A1BG: variants seen among roughly 807,000 people sequenced by gnomAD.
A1BG encodes alpha-1-B glycoprotein.
Under a neutral mutation model 46.0 loss-of-function variants are expected in A1BG, and 44 were observed. The observed-to-expected ratio is 0.96, with a 90% CI of 0.75 to 1.23. The LOEUF (loss-of-function observed/expected upper bound fraction) is 1.23, where lower values mean the gene tolerates loss of function less well. Ranked by LOEUF, A1BG falls within the 50% of genes most tolerant of loss-of-function variation. The probability of loss-of-function intolerance (pLI) is 0.00; values close to 1 mark genes in which losing one functional copy is unlikely to be tolerated. For missense variants in A1BG, 707 were observed against 688.8 expected (o/e 1.03, Z -0.30); for synonymous variants, 316 against 314.7 (o/e 1.00, Z -0.04).
intron 4 of A1BG, chr19:58,351,923 G>C (rs2051963329): frequency 2.8e-6 from 2 of 703,946 alleles, no homozygotes; most frequent in Admixed American, 3.0e-5. Flanking sequence ...AGCCTCCTGA[G>C]TAGCTGGTAC....
intron 6 of A1BG, chr19:58,348,644 A>C (rs1251269470): frequency 6.6e-6 from 1 of 152,278 alleles, no homozygotes; most frequent in Non-Finnish European, 1.5e-5. Context: ...TTGTAAGCTA[A>C]TCAGGAATTT....
chr19:58,347,532 A>G lies in A1BG; in HGVS notation c.1301T>C (p.Leu434Pro). 6.3e-7 allele frequency: 1 copy of G among 1,577,128 alleles called. No homozygotes were observed. The highest frequency in any genetic ancestry group is 8.6e-7 in the Non-Finnish European group (1 of 1,162,048). The change falls in exon 7 of 8, where the codon CTG becomes CCG. Residue 434 changes from leucine to proline, a missense_variant. Physicochemically the swap from Leu to Pro is moderately conservative, Grantham distance 98. Transcript: ENST00000263100. ...EGPIPDVTFE[L>P]LREGETKAVK... ...GGCCTTCGTCTCGCCCTCGCGCAGC[A>G]GCTCGAAGGTGACGTCGGGGATGGG...
chr19:58,350,127 C>T, intron 6 of A1BG: 1 of 502,580 alleles, frequency 2.0e-6, no homozygotes, highest in Non-Finnish European at 3.4e-6. Context: ...GGGCCAGCCT[C>T]CCTGCTGCCG....
chr19:58,351,877 G>C (rs982944981), intron 4 of A1BG, 190 bp from the exon 5 acceptor site: 2 of 712,710 alleles, frequency 2.8e-6, no homozygotes, highest in Non-Finnish European at 4.5e-6. Context: ...CTCACTGCAA[G>C]CTCTGCCTCC....
intron 7 of A1BG, 75 bp from the exon 8 acceptor site, chr19:58,347,104 G>A: frequency 6.4e-7 from 1 of 1,555,562 alleles, no homozygotes; most frequent in Non-Finnish European, 8.8e-7. Flanking sequence ...AATCAAGGCC[G>A]ACCTCCCTGA....
chr19:58,352,041 G>A, intron 4 of A1BG: 2 of 1,336,512 alleles, frequency 1.5e-6, no homozygotes, highest in Non-Finnish European at 2.0e-6. Context: ...TGATCCGCTG[G>A]CCTCAGCCTC....
rs569239586 is a variant in A1BG at position 58,351,721 on chromosome 19, T to A, written c.614-34A>T. 26 of 1,541,842 alleles carry A rather than the reference T, an allele frequency of 1.7e-5. No homozygotes were observed. In the African/African-American group the frequency reaches 2.9e-4, roughly 17 times the overall value. ...CAGGCAGCATTACTAGGCTGCCCCA[T>A]CCCTGGAGCTGCCCTCTGCCCAGTC... On this transcript the variant is annotated intron_variant, in intron 4 of 7. Transcript: ENST00000263100.
intron 6 of A1BG, 42 bp downstream of exon 6, chr19:58,350,328 A>G: frequency 6.6e-7 from 1 of 1,510,598 alleles, no homozygotes; most frequent in Non-Finnish European, 8.9e-7. Context: ...CCCGAGGGGC[A>G]CTGAACCCGC....
Position 58,352,341 on chromosome 19 carries a change from C to T in A1BG, c.555G>A (p.Arg185=). Residue 185 remains arginine, a synonymous_variant, in exon 4 of 8, where the codon CGG becomes CGA. Coordinates refer to ENST00000263100, the MANE Select transcript of A1BG (RefSeq NM_130786.4). ...CAGAGAGGGCGCCTTCCCCATCGGT[C>T]CGGTAGCTGCAGCTGTAGTTGCCAG... ...HQPGNYSCSY[R]TDGEGALSEP... is the part of the protein sequence containing the mutation. 6.2e-7 allele frequency: 1 copy of T among 1,614,002 alleles called. No individual in the cohort carries two copies. Among genetic ancestry groups the T allele is most frequent in the Non-Finnish European group, 8.5e-7 (1 of 1,180,012 alleles).
Position 58,352,977 on chromosome 19 carries a change from C to A in A1BG, c.291G>T (p.Leu97Phe). The change falls in exon 3 of 8, where the codon TTG becomes TTT. Residue 97 changes from leucine to phenylalanine, a missense_variant. Coordinates refer to ENST00000263100, the MANE Select transcript of A1BG (RefSeq NM_130786.4). ...TGCTCAGCTGGGTCCATCCTGTGGA[C>A]AAGCCCGAGCGGCAGCGGTAGCGGC... is the stretch of plus-strand genomic sequence containing the variant. ...TQGRYRCRSG[L>F]STGWTQLSKL... 1 of 1,613,960 alleles carries A rather than the reference C, an allele frequency of 6.2e-7. No individual in the cohort carries two copies. The highest frequency in any genetic ancestry group is 2.2e-5 in the East Asian group (1 of 44,886).
At chr19:58,347,223 G>A in intron 7 of A1BG, 130 bp downstream of exon 7, 3 of 1,397,764 alleles carry the variant, frequency 2.1e-6, no homozygotes, top group South Asian at 1.3e-5. Context: ...TCCCCCACGA[G>A]CCCTGGGGAG....
Position 58,347,568 on chromosome 19 carries a change from C to T in A1BG, c.1265G>A (p.Arg422His). Residue 422 changes from arginine (R) to histidine (H), a missense_variant, in exon 7 of 8, where the codon CGC becomes CAC. Arg to His is a conservative substitution (Grantham distance 29). Transcript: ENST00000263100. ...AVLAGRDAVLRCEGPIPDVTF... is the reference protein window; with the variant it reads ...AVLAGRDAVLHCEGPIPDVTF... ...GACGTCGGGGATGGGTCCCTCGCAG[C>T]GCAGGACGGCATCTCGGCCCGCCAG... 2 of 1,544,322 alleles carry T rather than the reference C, an allele frequency of 1.3e-6. No homozygotes were observed. The highest frequency in any genetic ancestry group is 1.4e-5 in the African/African-American group (1 of 72,486).
In A1BG at chr19:58,353,143, A is replaced by C; in HGVS notation, c.125T>G (p.Leu42Trp). ...CTGGCACGTCAGCGTCACATTGGCC[A>C]AGGGTTTCAGCAGTGATTCGGACTC... Reference protein sequence around the residue: ...WAESESLLKPLANVTLTCQAH... With the variant: ...WAESESLLKPWANVTLTCQAH... Residue 42 changes from leucine (L) to tryptophan (W), a missense_variant, in exon 3 of 8, where the codon TTG becomes TGG. Transcript: ENST00000263100. 1 of 1,614,114 alleles carries C rather than the reference A, an allele frequency of 6.2e-7. No homozygotes were observed. The highest frequency in any genetic ancestry group is 1.1e-5 in the South Asian group (1 of 91,076).
Position 58,347,516 on chromosome 19 carries a change from C to G in A1BG, c.1317G>C (p.Glu439Asp), listed in dbSNP as rs757030081. The G allele has an allele frequency of 3.2e-6, 5 of 1,584,116 alleles. No individual in the cohort carries two copies. The highest frequency in any genetic ancestry group is 2.7e-5 in the African/African-American group (2 of 73,648). Residue 439 changes from glutamate (E) to aspartate (D), a missense_variant, in exon 7 of 8, where the codon GAG (glutamate) becomes GAC (aspartate). Glu to Asp is a conservative substitution (Grantham distance 45). Coordinates refer to ENST00000263100, the MANE Select transcript of A1BG (RefSeq NM_130786.4). ...DVTFELLREG[E>D]TKAVKTVRTP... Reference sequence around the variant, plus strand: ...TGCGGACCGTCTTCACGGCCTTCGTCTCGCCCTCGCGCAGCAGCTCGAAGG... The same window carrying G: ...TGCGGACCGTCTTCACGGCCTTCGTGTCGCCCTCGCGCAGCAGCTCGAAGG...
rs144181716 is a variant in A1BG, at chr19:58,353,114, G to C, written c.154C>G (p.His52Asp). ...AGCTGGAAGTCTGGAGTCTCCAGGT[G>C]GGCCTGGCACGTCAGCGTCACATTG... ...LANVTLTCQAHLETPDFQLFK... is the reference protein window; with the variant it reads ...LANVTLTCQADLETPDFQLFK... Residue 52 changes from histidine to aspartate, a missense_variant, in exon 3 of 8, where the codon CAC becomes GAC. Physicochemically the swap from His to Asp is moderately conservative, Grantham distance 81 (BLOSUM62 -1). Transcript: ENST00000263100. 2 of 1,613,920 alleles carry C rather than the reference G, an allele frequency of 1.2e-6. No individual in the cohort carries two copies. Among genetic ancestry groups the C allele is most frequent in the East Asian group, 4.5e-5 (2 of 44,882 alleles).
chr19:58,351,931 T>C, intron 4 of A1BG: 1 of 705,678 alleles, frequency 1.4e-6, no homozygotes, highest in Admixed American at 3.0e-5. Flanking sequence ...GAGTAGCTGG[T>C]ACTACAGGCA....
chr19:58,351,192 A>G, intron 5 of A1BG, 199 bp downstream of exon 5: 1 of 696,950 alleles, frequency 1.4e-6, no homozygotes, highest in South Asian at 1.8e-5. Context: ...CTGTTCACCC[A>G]GTTATTCCCT....
At chr19:58,351,193 G>C in intron 5 of A1BG, 198 bp downstream of exon 5, 1 of 704,388 alleles carries the variant, frequency 1.4e-6, no homozygotes, top group South Asian at 1.8e-5. Context: ...TGTTCACCCA[G>C]TTATTCCCTG....
In A1BG at chr19:58,353,444, C is replaced by T. The variant is rs201603704; in HGVS notation, c.-7G>A. The T allele has an allele frequency of 2.5e-3, 4,051 of 1,608,242 alleles. 6 individuals carry two copies. Among genetic ancestry groups the T allele is most frequent in the Non-Finnish European group, 3.1e-3 (3,663 of 1,177,312 alleles). ...AGACCACGAGCATGGACATGATGGT[C>T]GCGCTCACTCCGGTGCAGTGAGTGT... On this transcript the variant is annotated 5_prime_UTR_variant, in exon 1 of 8. Transcript: ENST00000263100.
Sources: allele counts gnomAD v4.1 joint callset, GRCh38; gene constraint gnomAD v4.1.1; transcripts MANE v1.5; gene names NCBI Gene and HGNC (gene_info 2026-07-23, HGNC 2026-07-21).